STX8: variants seen among roughly 807,000 people sequenced by gnomAD.
The protein encoded by STX8 is syntaxin-8.
STX8 carries 23 observed loss-of-function variants against 37.5 expected under a neutral mutation model. The observed-to-expected ratio is 0.61, with a 90% CI of 0.44 to 0.87. The LOEUF (loss-of-function observed/expected upper bound fraction) is 0.87. Among genes scored for constraint, STX8 ranks in the 40% least tolerant of loss-of-function variants. The pLI is 0.00. For missense variants in STX8, 313 were observed against 284.7 expected (o/e 1.10, Z -0.71); for synonymous variants, 115 against 99.1 (o/e 1.16, Z -0.95).
At chr17:9,574,630 G>A (rs1401516803) in intron 1 of STX8, among the ~76,000 whole-genome samples, 2 of 152,006 alleles carry the variant, frequency 1.3e-5, no homozygotes, top group East Asian at 1.9e-4. Flanking sequence ...CACCTCCCGG[G>A]TTCAAGCGAT....
At chr17:9,542,695 T>A (rs1335605833) in intron 4 of STX8, among the ~76,000 whole-genome samples, 3 of 151,698 alleles carry the variant, frequency 2.0e-5, no homozygotes, top group African/African-American at 7.3e-5. Flanking sequence ...AATAAATAAA[T>A]AAATAAATAA....
chr17:9,534,720 G>A (rs567575412), intron 4 of STX8, among the ~76,000 whole-genome samples: 3 of 152,142 alleles, frequency 2.0e-5, no homozygotes, highest in Non-Finnish European at 2.9e-5. Context: ...CCCAGGAGGC[G>A]GAGGTTGCAG....
At chr17:9,487,687 T>TG (rs1320271375) in intron 6 of STX8, among the ~76,000 whole-genome samples, 1 of 151,690 alleles carries the variant, frequency 6.6e-6, no homozygotes, top group African/African-American at 2.4e-5. Context: ...TATGTACACA[T>TG]GTAGCCACCC....
At chr17:9,333,581 G>A (rs1264791704) in intron 7 of STX8, among the ~76,000 whole-genome samples, 1 of 152,034 alleles carries the variant, frequency 6.6e-6, no homozygotes, top group East Asian at 1.9e-4. Flanking sequence ...AGTAGAGATG[G>A]GGTTTCACTG....
At chr17:9,462,702 A>G (rs1905448590) in intron 6 of STX8, among the ~76,000 whole-genome samples, 1 of 152,194 alleles carries the variant, frequency 6.6e-6, no homozygotes, top group Non-Finnish European at 1.5e-5. Flanking sequence ...CAGCCTGGGC[A>G]ACAGAGCGAG....
intron 7 of STX8, among the ~76,000 whole-genome samples, chr17:9,282,571 C>A (rs898662084): frequency 6.6e-6 from 1 of 152,200 alleles, no homozygotes; most frequent in African/African-American, 2.4e-5. Context: ...GTTGGTGCAA[C>A]TGGAAGCTAT....
intron 7 of STX8, among the ~76,000 whole-genome samples, chr17:9,326,644 C>G (rs1476072858): frequency 6.6e-6 from 1 of 152,162 alleles, no homozygotes; most frequent in Non-Finnish European, 1.5e-5. Context: ...TGTCCTGAGG[C>G]AGAACTTGTC....
chr17:9,547,627 C>CAAAAAAAAAAAA (rs11377271), intron 3 of STX8, among the ~76,000 whole-genome samples: 5 of 53,284 alleles, frequency 9.4e-5, no homozygotes, highest in African/African-American at 1.5e-4. Context: ...GACTCCGTCT[C>CAAAAAAAAAAAA]AAAAAAAAAA....
At chr17:9,365,706 G>A (rs945787494) in intron 7 of STX8, among the ~76,000 whole-genome samples, 2 of 152,366 alleles carry the variant, frequency 1.3e-5, no homozygotes, top group South Asian at 2.1e-4. Context: ...ACGTGAGGTG[G>A]CTCACGCCTG....
intron 4 of STX8, among the ~76,000 whole-genome samples, chr17:9,506,980 G>A (rs1904861757): frequency 6.6e-6 from 1 of 151,962 alleles, no homozygotes; most frequent in African/African-American, 2.4e-5. Context: ...GCTCGGGAAT[G>A]GCTGTGACTC....
At chr17:9,453,813 A>C (rs1905114065) in intron 6 of STX8, among the ~76,000 whole-genome samples, 1 of 152,034 alleles carries the variant, frequency 6.6e-6, no homozygotes, top group Non-Finnish European at 1.5e-5. Flanking sequence ...CTTATGGAGG[A>C]TTTTTAATAA....
chr17:9,489,442 G>A (rs1421668428), intron 6 of STX8, among the ~76,000 whole-genome samples: 4 of 152,076 alleles, frequency 2.6e-5, no homozygotes, highest in African/African-American at 9.7e-5. Context: ...CCTTATGCTG[G>A]ACAAAGAAAC....
chr17:9,498,662 A>G (rs948039871), intron 5 of STX8, among the ~76,000 whole-genome samples: 1 of 152,180 alleles, frequency 6.6e-6, no homozygotes, highest in Non-Finnish European at 1.5e-5. Context: ...CTACAGCCCC[A>G]TTTCACATGC....
At chr17:9,269,490 G>C (rs190178948) in intron 7 of STX8, among the ~76,000 whole-genome samples, 7 of 152,132 alleles carry the variant, frequency 4.6e-5, no homozygotes, top group Non-Finnish European at 8.8e-5. Context: ...CAAAATATCT[G>C]CCCTTCCAAT....
intron 6 of STX8, among the ~76,000 whole-genome samples, chr17:9,458,466 G>A (rs1010828713): frequency 6.6e-6 from 1 of 152,204 alleles, no homozygotes; most frequent in Non-Finnish European, 1.5e-5. Flanking sequence ...TGGCTCTTAA[G>A]CACAGGAGAG....
chr17:9,425,747 G>T (rs1178861323), intron 6 of STX8, among the ~76,000 whole-genome samples: 1 of 152,158 alleles, frequency 6.6e-6, no homozygotes, highest in African/African-American at 2.4e-5. Context: ...CAGCTTCACA[G>T]GTTCTACTAA....
Position 9,343,018 on chromosome 17 carries a change from C to CAA in STX8, c.643+35532_643+35533dup, listed in dbSNP as rs4063994. ...CCTGGTGACAAGAGTGAAACTGTCT[C>CAA]AAAAAAAAAAAAAAAAAAAAAAAAA... On this transcript the variant is annotated intron_variant, in intron 7 of 7. Coordinates refer to ENST00000306357, the MANE Select transcript of STX8 (RefSeq NM_004853.3). Among the ~76,000 whole-genome samples, 649 of 110,386 alleles carry CAA rather than the reference C, an allele frequency of 5.9e-3. 21 individuals are homozygous for CAA. Among genetic ancestry groups the CAA allele is most frequent in the African/African-American group, 0.022 (598 of 26,748 alleles). 72.4% of individuals were successfully genotyped at this position (110,386 alleles called of 152,430 possible).
At chr17:9,535,424 C>CAT (rs1905992804) in intron 4 of STX8, among the ~76,000 whole-genome samples, 1 of 51,550 alleles carries the variant, frequency 1.9e-5, no homozygotes, top group African/African-American at 7.4e-5. Context: ...AGCCATCCTA[C>CAT]TTTTTTTTTT....
intron 7 of STX8, among the ~76,000 whole-genome samples, chr17:9,304,507 CAAAA>C (rs35673905): frequency 1.9e-3 from 108 of 56,886 alleles, no homozygotes; most frequent in Middle Eastern, 7.5e-3. Context: ...GAAACTGTCT[CAAAA>C]AAAAAAAAAA....
Sources: gnomAD v4.1 joint callset for allele counts (sites outside exome capture counted in the v4.1 genomes callset) on GRCh38, gnomAD v4.1.1 for gene constraint, MANE v1.5 for transcripts, NCBI Gene and HGNC (gene_info 2026-07-23, HGNC 2026-07-21) for gene names.